SIRPG: variants seen among roughly 807,000 people sequenced by gnomAD.
The protein encoded by SIRPG is signal-regulatory protein gamma.
Under a neutral mutation model 35.7 loss-of-function variants are expected in SIRPG, and 38 were observed. The observed-to-expected ratio is 1.06, with a 90% CI of 0.82 to 1.40. The LOEUF (loss-of-function observed/expected upper bound fraction) is 1.40. SIRPG is among the 40% of genes most tolerant of loss of function. The pLI, the probability that SIRPG is intolerant of heterozygous loss-of-function variation, is 0.00. For missense variants in SIRPG, 519 were observed against 483.0 expected (o/e 1.07, Z -0.70); for synonymous variants, 215 against 190.4 (o/e 1.13, Z -1.06).
intron 1 of SIRPG, among the ~76,000 whole-genome samples, chr20:1,653,039 T>A (rs541667592): frequency 5.9e-5 from 9 of 152,102 alleles, no homozygotes; most frequent in Non-Finnish European, 1.3e-4. Flanking sequence ...GTAGAGGACT[T>A]AGTGAAAAAA....
the SIRPG span, chr20:1,665,296 T>G: frequency 6.0e-6 from 1 of 167,012 alleles, no homozygotes; most frequent in Non-Finnish European, 1.3e-5. Context: ...GGCCTCTGCT[T>G]CAGTGGATGT....
At chr20:1,686,023 C>T in the SIRPG span, among the ~76,000 whole-genome samples, 1 of 152,188 alleles carries the variant, frequency 6.6e-6, no homozygotes, top group Non-Finnish European at 1.5e-5. Context: ...CAATATTTGA[C>T]AGGAACCAGG....
the SIRPG span, among the ~76,000 whole-genome samples, chr20:1,671,492 C>T: frequency 3.9e-5 from 6 of 152,230 alleles, no homozygotes; most frequent in South Asian, 1.2e-3. Context: ...GCCTGCCTCC[C>T]CTGGAGAGTT....
the SIRPG span, chr20:1,670,950 G>T: frequency 2.9e-6 from 1 of 346,734 alleles, no homozygotes. Context: ...GGGCCACCTC[G>T]CAGATGACCT....
chr20:1,661,592 G>A (rs984850687), upstream of SIRPG, among the ~76,000 whole-genome samples: 1 of 152,186 alleles, frequency 6.6e-6, no homozygotes, highest in African/African-American at 2.4e-5. Context: ...GACATTGCCT[G>A]CCCTGTCAGA....
the SIRPG span, among the ~76,000 whole-genome samples, chr20:1,668,212 TTTC>T: frequency 4.5e-3 from 192 of 42,806 alleles, no homozygotes; most frequent in African/African-American, 0.01. Flanking sequence ...TCTTTCTTTC[TTTC>T]TTTCTTTCTT....
chr20:1,678,973 A>G, the SIRPG span, among the ~76,000 whole-genome samples: 489 of 152,044 alleles, frequency 3.2e-3, 3 homozygotes, highest in African/African-American at 0.011. Flanking sequence ...TCAACCAAGA[A>G]CTCTACACCT....
At chr20:1,671,076 T>C in the SIRPG span, 3 of 426,218 alleles carry the variant, frequency 7.0e-6, no homozygotes, top group East Asian at 1.5e-4. Context: ...CATTCCTATT[T>C]TTGGACCATT....
the SIRPG span, among the ~76,000 whole-genome samples, chr20:1,679,272 G>A: frequency 7.2e-5 from 11 of 152,296 alleles, no homozygotes; most frequent in African/African-American, 2.6e-4. Context: ...AAGATGTCCA[G>A]TTAGGTGTAC....
At chr20:1,666,973 G>T in the SIRPG span, among the ~76,000 whole-genome samples, 1 of 151,648 alleles carries the variant, frequency 6.6e-6, no homozygotes, top group Non-Finnish European at 1.5e-5. Context: ...GTGCAGTGGC[G>T]TGATCGCGGT....
At chr20:1,678,717 C>T in the SIRPG span, among the ~76,000 whole-genome samples, 2 of 152,134 alleles carry the variant, frequency 1.3e-5, no homozygotes, top group Non-Finnish European at 2.9e-5. Flanking sequence ...AATCTACAAG[C>T]TTAAGGTGCC....
chr20:1,641,824 A>G (rs370922111), intron 2 of SIRPG, among the ~76,000 whole-genome samples: 1 of 152,008 alleles, frequency 6.6e-6, no homozygotes, highest in African/African-American at 2.4e-5. Flanking sequence ...ATAACTTCTT[A>G]ATTTCTGTCT....
intron 1 of SIRPG, among the ~76,000 whole-genome samples, chr20:1,653,544 C>T (rs2091955776): frequency 6.6e-6 from 1 of 152,116 alleles, no homozygotes. Flanking sequence ...ACCTGTGTCA[C>T]CTGTATCCCC....
the SIRPG span, among the ~76,000 whole-genome samples, chr20:1,664,623 CTG>C: frequency 6.6e-6 from 1 of 152,148 alleles, no homozygotes; most frequent in Non-Finnish European, 1.5e-5. Context: ...GTGGCAGAGA[CTG>C]AGGGTTCCAC....
chr20:1,675,628 C>T, the SIRPG span, among the ~76,000 whole-genome samples: 1 of 152,200 alleles, frequency 6.6e-6, no homozygotes, highest in African/African-American at 2.4e-5. Context: ...CAGGTCTCCT[C>T]TCTGAGCTTT....
chr20:1,634,256 G>C (rs1030991621), intron 4 of SIRPG, among the ~76,000 whole-genome samples: 8 of 150,048 alleles, frequency 5.3e-5, no homozygotes, highest in African/African-American at 2.0e-4. Context: ...GCCCAGGCTG[G>C]AGTGCAGTGG....
chr20:1,663,659 C>A, the SIRPG span, among the ~76,000 whole-genome samples: 39 of 152,324 alleles, frequency 2.6e-4, no homozygotes, highest in African/African-American at 9.1e-4. Context: ...ATCATCTCAT[C>A]AGTGGACATA....
the SIRPG span, among the ~76,000 whole-genome samples, chr20:1,664,379 A>G: frequency 1.4e-4 from 22 of 152,296 alleles, no homozygotes; most frequent in South Asian, 1.7e-3. Context: ...GAACCTCAAC[A>G]AGGCTGGGGA....
chr20:1,632,379 C>T (rs1197561487), intron 4 of SIRPG, among the ~76,000 whole-genome samples: 1 of 152,150 alleles, frequency 6.6e-6, no homozygotes, highest in Non-Finnish European at 1.5e-5. Context: ...ACCCGGCTCC[C>T]ACGCCACTGG....
Sources: allele counts gnomAD v4.1 joint callset (sites outside exome capture counted in the v4.1 genomes callset), GRCh38; gene constraint gnomAD v4.1.1; transcripts MANE v1.5; gene names NCBI Gene and HGNC (gene_info 2026-07-23, HGNC 2026-07-21).